Variants in GRIP1 observed in about 807,000 individuals in gnomAD.
The protein encoded by GRIP1 is glutamate receptor-interacting protein 1.
Under a neutral mutation model 129.9 loss-of-function variants are expected in GRIP1, and 45 were observed. That is an observed-to-expected ratio of 0.35 (90% confidence interval 0.27 to 0.44). GRIP1 has a LOEUF of 0.44. Among genes scored for constraint, GRIP1 ranks in the 20% least tolerant of loss-of-function variants. GRIP1 has a pLI of 1.00. For missense variants in GRIP1, 1,196 were observed against 1,396.8 expected, an observed-to-expected ratio of 0.86 and a Z score of 2.29; for synonymous variants, 530 against 520.8, an observed-to-expected ratio of 1.02 and a Z score of -0.24.
Position 66,855,451 on chromosome 12 carries a change from G to A in GRIP1, c.58+213599C>T, listed in dbSNP as rs1418207440. Among the ~76,000 whole-genome samples, 8 of 151,924 alleles carry A rather than the reference G, an allele frequency of 5.3e-5. No individual in the cohort carries two copies. The South Asian group carries it at 6.2e-4, about 12-fold the overall frequency. ...AAAGGAACGACAAGTACACTTTCAC[G>A]GAGTGTGTGAATCTCAGACTTGGGG... On this transcript the variant is annotated intron_variant, in intron 1 of 1. Coordinates refer to the GRIP1 transcript ENST00000643019.
intron 1 of GRIP1, among the ~76,000 whole-genome samples, chr12:67,056,307 G>A (rs2043434783): frequency 6.6e-6 from 1 of 152,148 alleles, no homozygotes; most frequent in East Asian, 1.9e-4. Context: ...GCTTGGGGTG[G>A]CTCAAAAACT....
chr12:66,539,544 G>GTTTTTTTTT (rs1250833017), intron 3 of GRIP1, among the ~76,000 whole-genome samples: 9 of 67,666 alleles, frequency 1.3e-4, no homozygotes, highest in African/African-American at 4.9e-4. Context: ...ATCAAGAGAA[G>GTTTTTTTTT]CTTTTTTTTT....
rs1289580544 is a variant in GRIP1 at position 66,585,525 on chromosome 12, C to T, written c.136+11322G>A. On this transcript the variant is annotated intron_variant, in intron 2 of 24. Coordinates refer to ENST00000359742, the MANE Select transcript of GRIP1 (RefSeq NM_001366722.1). ...CATTGTTGGACATTTGGGTTGGTTGCAAGTCTTTGCTATTGTGAATAATGC... is the reference window on the plus strand; with the variant it reads ...CATTGTTGGACATTTGGGTTGGTTGTAAGTCTTTGCTATTGTGAATAATGC... Among the ~76,000 whole-genome samples, 2 of 140,560 alleles carry T rather than the reference C, an allele frequency of 1.4e-5. 1 individual carries two copies. The highest frequency in any genetic ancestry group is 3.1e-5 in the Non-Finnish European group (2 of 63,732). The allele number at this position is 140,560 out of a possible 152,430, so 92.2% of individuals were successfully genotyped here.
At position 66,408,786 on chromosome 12, in the gene GRIP1, A is replaced by T. The variant is rs116526045; in HGVS notation, c.1839-2358T>A. Among the ~76,000 whole-genome samples, 518 of 152,276 alleles carry T rather than the reference A, an allele frequency of 3.4e-3. 9 individuals carry two copies. Among genetic ancestry groups the T allele is most frequent in the African/African-American group, 0.012 (498 of 41,546 alleles). ...CGTTTGTGGACCTGCTCTGGGACAG[A>T]GGGGAGCCCATCGCCTTGAAAGAAG... On this transcript the variant is annotated intron_variant, in intron 15 of 24. Coordinates refer to ENST00000359742, the MANE Select transcript of GRIP1 (RefSeq NM_001366722.1).
chr12:66,733,507 G>A (rs1179244524), intron 1 of GRIP1, among the ~76,000 whole-genome samples: 1 of 152,040 alleles, frequency 6.6e-6, no homozygotes, highest in Non-Finnish European at 1.5e-5. Context: ...TGGATGAGAT[G>A]GCTACAGCTC....
At chr12:66,512,480 C>A (rs553426699) in intron 7 of GRIP1, among the ~76,000 whole-genome samples, 3 of 151,766 alleles carry the variant, frequency 2.0e-5, no homozygotes, top group Non-Finnish European at 4.4e-5. Context: ...ATCTATTTAG[C>A]TTTATCTAAG....
rs1383411210 is a variant in GRIP1, at chr12:66,539,238, A to G, written c.273-15T>C. ...GCTGGTCACTTCTGCAAAATAGACA[A>G]TGTTGTTTCAACAGACCCACCCTCT... is the stretch of plus-strand genomic sequence containing the variant. On this transcript the variant is annotated splice_polypyrimidine_tract_variant and intron_variant, in intron 3 of 24. Coordinates refer to ENST00000359742, the MANE Select transcript of GRIP1 (RefSeq NM_001366722.1). The G allele has an allele frequency of 1.2e-6, 2 of 1,613,806 alleles. No homozygotes were observed. Among genetic ancestry groups the G allele is most frequent in the African/African-American group, 2.7e-5 (2 of 74,900 alleles).
chr12:66,564,331 G>C (rs2062660043), intron 2 of GRIP1, among the ~76,000 whole-genome samples: 2 of 135,762 alleles, frequency 1.5e-5, no homozygotes, highest in Non-Finnish European at 3.0e-5. Context: ...CTGTGTCCCA[G>C]TGTTCTCATT....
intron 1 of GRIP1, among the ~76,000 whole-genome samples, chr12:67,025,545 G>A (rs1200594075): frequency 6.6e-6 from 1 of 152,162 alleles, no homozygotes; most frequent in African/African-American, 2.4e-5. Flanking sequence ...ATAGAAATAT[G>A]AGATAGAATA....
At chr12:66,349,667 C>T (rs538576082) in intron 24 of GRIP1, among the ~76,000 whole-genome samples, 3 of 152,252 alleles carry the variant, frequency 2.0e-5, no homozygotes, top group African/African-American at 7.2e-5. Context: ...CTCTGAATCA[C>T]GATGCTGAAC....
chr12:66,881,411 C>T (rs1228829076), intron 1 of GRIP1, among the ~76,000 whole-genome samples: 1 of 152,270 alleles, frequency 6.6e-6, no homozygotes, highest in East Asian at 1.9e-4. Flanking sequence ...ATTAATAAAT[C>T]TCTGTGCTAA....
At chr12:66,772,027 C>T (rs1592830303) in intron 1 of GRIP1, among the ~76,000 whole-genome samples, 2 of 152,278 alleles carry the variant, frequency 1.3e-5, no homozygotes, top group Admixed American at 1.3e-4. Context: ...TTATGGAGAA[C>T]TTGTATTCTA....
At chr12:66,353,177 TG>T (rs1270388104) in intron 24 of GRIP1, among the ~76,000 whole-genome samples, 1 of 152,260 alleles carries the variant, frequency 6.6e-6, no homozygotes, top group African/African-American at 2.4e-5. Flanking sequence ...TTGGGAAAGA[TG>T]GCTCTGAGCT....
intron 1 of GRIP1, among the ~76,000 whole-genome samples, chr12:66,914,528 T>G (rs1039104955): frequency 6.6e-6 from 1 of 152,242 alleles, no homozygotes; most frequent in Non-Finnish European, 1.5e-5. Flanking sequence ...GGATTAGCCA[T>G]TCCTAGTATG....
chr12:66,543,122 T>C (rs1347468419), intron 2 of GRIP1, among the ~76,000 whole-genome samples: 1 of 152,178 alleles, frequency 6.6e-6, no homozygotes, highest in Non-Finnish European at 1.5e-5. Flanking sequence ...AAGGAAACAG[T>C]ATCTCAACTG....
At chr12:66,956,994 T>C (rs969883697) in intron 1 of GRIP1, among the ~76,000 whole-genome samples, 7 of 152,172 alleles carry the variant, frequency 4.6e-5, no homozygotes, top group African/African-American at 1.7e-4. Flanking sequence ...CTTCTTCCTC[T>C]GATAGTAAGA....
intron 1 of GRIP1, among the ~76,000 whole-genome samples, chr12:67,020,275 C>T (rs1054017339): frequency 3.3e-5 from 5 of 152,148 alleles, no homozygotes; most frequent in Admixed American, 6.6e-5. Context: ...TTTGGTCCTT[C>T]GGCATTTGCA....
At chr12:66,602,327 G>T (rs550808758) in intron 1 of GRIP1, among the ~76,000 whole-genome samples, 1 of 152,252 alleles carries the variant, frequency 6.6e-6, no homozygotes, top group African/African-American at 2.4e-5. Flanking sequence ...AAGGCTTTTT[G>T]ACAACAGAGC....
At chr12:66,917,985 G>A (rs1462031668) in intron 1 of GRIP1, among the ~76,000 whole-genome samples, 1 of 151,948 alleles carries the variant, frequency 6.6e-6, no homozygotes, top group Non-Finnish European at 1.5e-5. Flanking sequence ...CGGAGAGAGA[G>A]AGAGAGAGAG....
Sources: gnomAD v4.1 joint callset for allele counts (sites outside exome capture counted in the v4.1 genomes callset) on GRCh38, gnomAD v4.1.1 for gene constraint, MANE v1.5 for transcripts, NCBI Gene and HGNC (gene_info 2026-07-23, HGNC 2026-07-21) for gene names.